C5: variants seen among roughly 807,000 people sequenced by gnomAD.
C5 encodes the protein complement C5.
C5 carries 140 observed loss-of-function variants against 218.8 expected under a neutral mutation model. The ratio of observed to expected loss-of-function variants is 0.64; its 90% confidence interval spans 0.56 to 0.74. The LOEUF (loss-of-function observed/expected upper bound fraction) is 0.74, where lower values mean the gene tolerates loss of function less well. Ranked by LOEUF, C5 falls within the 30% of genes least tolerant of loss-of-function variation. The probability of loss-of-function intolerance (pLI) is 0.00; values close to 1 mark genes in which losing one functional copy is unlikely to be tolerated. For synonymous variants in C5, 614 were observed against 682.3 expected, an observed-to-expected ratio of 0.90 and a Z score of 1.56; for missense variants, 1,700 against 1,969.6, an observed-to-expected ratio of 0.86 and a Z score of 2.59.
chr9:120,996,723 C>T lies in C5; in HGVS notation c.2791-423G>A, dbSNP rs192439217. Among the ~76,000 whole-genome samples the T allele has an allele frequency of 6.4e-4, 97 of 152,272 alleles. No homozygotes were observed. The East Asian group carries it at 0.017, about 26-fold the overall frequency. ...TCGCTCCAGAGACTGCATGGAACCA[C>T]AGTGCAAGGATGCATGGGAATGTGC... On this transcript the variant is annotated intron_variant, in intron 21 of 40. Transcript: ENST00000223642.
chr9:120,999,282 A>G (rs903165061), intron 20 of C5, among the ~76,000 whole-genome samples: 15 of 152,200 alleles, frequency 9.9e-5, no homozygotes, highest in African/African-American at 3.4e-4. Context: ...TGCAGATACT[A>G]GAGAGTGGGA....
chr9:121,042,786 T>C (rs994602462), intron 3 of C5, among the ~76,000 whole-genome samples: 2 of 152,184 alleles, frequency 1.3e-5, no homozygotes, highest in African/African-American at 4.8e-5. Context: ...GGTAATGTAA[T>C]TGTTGGTTTT....
chr9:121,059,133 C>G, the C5 span, among the ~76,000 whole-genome samples: 3 of 152,226 alleles, frequency 2.0e-5, no homozygotes, highest in African/African-American at 7.2e-5. The surrounding 1 kb of genome is among the most constrained non-coding windows in gnomAD (Gnocchi z 4.1). Context: ...ATTGCTTAAA[C>G]TATGCTTGAA....
At chr9:121,066,435 A>G in the C5 span, among the ~76,000 whole-genome samples, 1 of 152,128 alleles carries the variant, frequency 6.6e-6, no homozygotes. Context: ...TAGAGAACTA[A>G]TAACTTTAGG....
Position 121,001,249 on chromosome 9 carries a change from A to G in C5, c.2563-3475T>C, listed in dbSNP as rs551981087. Among the ~76,000 whole-genome samples, 55 of 152,288 alleles carry G rather than the reference A, an allele frequency of 3.6e-4. No homozygotes were observed. In the Middle Eastern group the frequency reaches 0.01, roughly 28 times the overall value. Reference sequence around the variant, plus strand: ...ATGAAATAGATACTATTATCATCCCATTTGTCAGATGAGGAAACTAAGCAA... The same window carrying G: ...ATGAAATAGATACTATTATCATCCCGTTTGTCAGATGAGGAAACTAAGCAA... On this transcript the variant is annotated intron_variant, in intron 20 of 40. Transcript: ENST00000223642.
At chr9:121,063,402 T>C in the C5 span, among the ~76,000 whole-genome samples, 1 of 152,084 alleles carries the variant, frequency 6.6e-6, no homozygotes, top group East Asian at 1.9e-4. Context: ...TTATTCTTTG[T>C]ATGGTAAGAC....
At chr9:121,011,520 G>A (rs558683021) in intron 17 of C5, among the ~76,000 whole-genome samples, 24 of 138,292 alleles carry the variant, frequency 1.7e-4, no homozygotes, top group Admixed American at 5.3e-4. Flanking sequence ...CTTGTACACT[G>A]TTAGTGGGGA....
rs753562167 is a variant in C5, at chr9:121,014,017, C to T, written c.2113G>A (p.Val705Ile). ...VKKCCYDGAC[V>I]NNDETCEQRA... The stretch of plus-strand genomic sequence containing the variant: ...TGCTCACAGGTTTCATCATTATTAA[C>T]GCAGGCTCCATCGTAACAACATTTC... Residue 705 changes from valine (V) to isoleucine (I), a missense_variant, in exon 17 of 41, where the codon GTT becomes ATT. Physicochemically the swap from Val to Ile is conservative, Grantham distance 29 (BLOSUM62 3). Transcript: ENST00000223642. 3.7e-6 allele frequency: 6 copies of T among 1,614,040 alleles called. No individual in the cohort carries two copies. The highest frequency in any genetic ancestry group is 1.7e-5 in the Admixed American group (1 of 59,998).
chr9:121,064,152 C>T, the C5 span, among the ~76,000 whole-genome samples: 1 of 151,618 alleles, frequency 6.6e-6, no homozygotes, highest in African/African-American at 2.4e-5. Context: ...TTTTCCTTTT[C>T]CTACTCTATT....
chr9:121,011,843 G>A (rs1377730682), intron 17 of C5, among the ~76,000 whole-genome samples: 1 of 152,102 alleles, frequency 6.6e-6, no homozygotes, highest in Non-Finnish European at 1.5e-5. Flanking sequence ...TGGAACTGGA[G>A]GTCATTATGT....
At position 120,957,363 on chromosome 9, in the gene C5, T is replaced by TG; in HGVS notation, c.4683_4684insC (p.Lys1562GlnfsTer3). On this transcript the variant is annotated frameshift_variant, in exon 39 of 41. Coordinates refer to ENST00000223642, the MANE Select transcript of C5 (RefSeq NM_001735.3). LOFTEE classifies it high-confidence loss of function. Reference sequence around the variant, plus strand: ...ACAGTGATGGATGTGATGCTAACTTTATAAGCTGGCAAAAGACAAACAACA... The same window carrying TG: ...ACAGTGATGGATGTGATGCTAACTTTGATAAGCTGGCAAAAGACAAACAACA... 6.2e-7 allele frequency: 1 copy of TG among 1,611,588 alleles called. No homozygotes were observed.
chr9:121,014,022 G>T lies in C5; in HGVS notation c.2108C>A (p.Ala703Asp). Residue 703 changes from alanine (A) to aspartate (D), a missense_variant, in exon 17 of 41, where the codon GCC becomes GAC. Ala to Asp is a moderately radical substitution (Grantham distance 126). Transcript: ENST00000223642. ...ACAGGTTTCATCATTATTAACGCAG[G>T]CTCCATCGTAACAACATTTCTTCAC... ...SVVKKCCYDG[A>D]CVNNDETCEQ... The T allele has an allele frequency of 6.2e-7, 1 of 1,614,118 alleles. No individual in the cohort carries two copies. Among genetic ancestry groups the T allele is most frequent in the South Asian group, 1.1e-5 (1 of 91,088 alleles).
rs1172073238 is a variant in C5 at position 120,963,753 on chromosome 9, AG to A, written c.4221-16del. On this transcript the variant is annotated splice_polypyrimidine_tract_variant and intron_variant, in intron 33 of 40. Coordinates refer to ENST00000223642, the MANE Select transcript of C5 (RefSeq NM_001735.3). The stretch of plus-strand genomic sequence containing the variant: ...TGGGCTTGTAGCTAAAATAAAAAAG[AG>A]GTTAGAAAATATAATAAATAAGTGA... 2 of 1,570,412 alleles carry A rather than the reference AG, an allele frequency of 1.3e-6. No individual in the cohort carries two copies. Among genetic ancestry groups the A allele is most frequent in the Non-Finnish European group, 1.8e-6 (2 of 1,141,496 alleles).
At chr9:120,988,176 T>C (rs952995176) in intron 25 of C5, among the ~76,000 whole-genome samples, 7 of 152,194 alleles carry the variant, frequency 4.6e-5, no homozygotes, top group African/African-American at 1.4e-4. Flanking sequence ...TTGGAAGATA[T>C]GTTTCATTGA....
At chr9:121,027,922 G>A (rs906658460) in intron 7 of C5, among the ~76,000 whole-genome samples, 1 of 152,044 alleles carries the variant, frequency 6.6e-6, no homozygotes, top group Non-Finnish European at 1.5e-5. Flanking sequence ...ACAGAATGGA[G>A]AAAATTTTTG....
At chr9:121,030,134 C>T (rs55692912) in intron 7 of C5, among the ~76,000 whole-genome samples, 324 of 152,262 alleles carry the variant, frequency 2.1e-3, no homozygotes, top group African/African-American at 7.5e-3. Context: ...ACCCTAGTTT[C>T]TAAACACATA....
intron 20 of C5, among the ~76,000 whole-genome samples, chr9:121,004,709 T>C (rs1316579403): frequency 1.3e-5 from 2 of 151,476 alleles, no homozygotes; most frequent in Non-Finnish European, 2.9e-5. Flanking sequence ...GGAGGAGGAG[T>C]TTGCAGTGAG....
intron 25 of C5, among the ~76,000 whole-genome samples, chr9:120,986,607 C>T (rs994903343): frequency 7.0e-6 from 1 of 142,908 alleles, no homozygotes; most frequent in Admixed American, 6.7e-5. Flanking sequence ...TACTGAGAGG[C>T]TGTTGTACCT....
At position 121,027,193 on chromosome 9, in the gene C5, T is replaced by G. The variant is rs2047431372; in HGVS notation, c.840A>C (p.Lys280Asn). The G allele has an allele frequency of 1.6e-5, 25 of 1,599,270 alleles. No homozygotes were observed. The East Asian group carries it at 5.6e-4, about 36-fold the overall frequency. The change falls in exon 8 of 41, where the codon AAA becomes AAC. Residue 280 changes from lysine to asparagine, a missense_variant. Coordinates refer to ENST00000223642, the MANE Select transcript of C5 (RefSeq NM_001735.3). ...GIREDLKDDQ[K>N]EMMQTAMQNT... ...TTTGCATTGCTGTTTGCATCATTTC[T>G]TTTTGATCATCTTTTAAGTCTTCTC...
Sources: allele counts gnomAD v4.1 joint callset (sites outside exome capture counted in the v4.1 genomes callset), GRCh38; gene constraint gnomAD v4.1.1; non-coding constraint Gnocchi (gnomAD v3.1); transcripts MANE v1.5; gene names NCBI Gene and HGNC (gene_info 2026-07-23, HGNC 2026-07-21).